Variants in PAH observed in about 807,000 individuals in gnomAD.
The protein encoded by PAH is phenylalanine hydroxylase.
A neutral mutation model predicts 62.0 loss-of-function variants in PAH; 64 were observed. The observed-to-expected ratio is 1.03, with a 90% CI of 0.84 to 1.27. PAH has a LOEUF of 1.27. Among genes scored for constraint, PAH ranks in the 50% most tolerant of loss-of-function variants. PAH has a pLI of 0.00. For missense variants in PAH, 579 were observed against 542.8 expected (o/e 1.07, Z -0.66); for synonymous variants, 195 against 196.2 (o/e 0.99, Z 0.05).
intron 1 of PAH, chr12:102,950,355 C>T (rs35880244): frequency 0.51 from 77,812 of 152,184 alleles, 20,641 homozygotes; most frequent in African/African-American, 0.65. Flanking sequence ...TGGCAGATGC[C>T]GCGCTCAGGC....
intron 3 of PAH, among the ~76,000 whole-genome samples, chr12:102,889,466 T>C (rs1405541866): frequency 6.6e-6 from 1 of 151,012 alleles, no homozygotes; most frequent in African/African-American, 2.5e-5. Context: ...AGATGATTGA[T>C]GGACAGATAG....
chr12:102,930,106 C>CTTT (rs1878807196), intron 1 of PAH, among the ~76,000 whole-genome samples: 1 of 152,070 alleles, frequency 6.6e-6, no homozygotes, highest in Admixed American at 6.5e-5. Flanking sequence ...GATTGCTAAC[C>CTTT]CCATTTTAAA....
intron 11 of PAH, 60 bp from the exon 12 acceptor site, chr12:102,840,575 A>T: frequency 8.7e-7 from 1 of 1,154,942 alleles, no homozygotes; most frequent in Non-Finnish European, 1.3e-6. Flanking sequence ...TAGTCTTAAG[A>T]GAGTTCTCAG....
chr12:102,952,773 T>G (rs1339678911), upstream of PAH, among the ~76,000 whole-genome samples: 1 of 152,248 alleles, frequency 6.6e-6, no homozygotes, highest in Admixed American at 6.5e-5. Flanking sequence ...TCAAACTTTT[T>G]TCTTTTTAAA....
At chr12:102,910,114 A>G (rs907125103) in intron 2 of PAH, among the ~76,000 whole-genome samples, 14 of 152,212 alleles carry the variant, frequency 9.2e-5, no homozygotes, top group Non-Finnish European at 1.5e-5. Context: ...TTGAGGATAT[A>G]AACATGACTG....
upstream of PAH, chr12:102,917,606 ACAGT>A (rs147576673): frequency 0.031 from 6,898 of 224,574 alleles, 319 homozygotes; most frequent in African/African-American, 0.11. Context: ...CCCAGCTGAA[ACAGT>A]CAGGATTCTC....
chr12:102,870,095 A>G (rs1876231750), intron 4 of PAH, among the ~76,000 whole-genome samples: 1 of 152,156 alleles, frequency 6.6e-6, no homozygotes, highest in African/African-American at 2.4e-5. Context: ...ACAGGATGCA[A>G]GTCATGACAT....
At chr12:102,902,730 G>A (rs951915714) in intron 2 of PAH, among the ~76,000 whole-genome samples, 2 of 152,192 alleles carry the variant, frequency 1.3e-5, no homozygotes, top group Non-Finnish European at 2.9e-5. Flanking sequence ...CTCTAGTCTG[G>A]AGGAGGAGAT....
intron 2 of PAH, among the ~76,000 whole-genome samples, chr12:102,906,345 T>C (rs1877977443): frequency 6.6e-6 from 1 of 152,172 alleles, no homozygotes; most frequent in Non-Finnish European, 1.5e-5. Flanking sequence ...ACGACCAGAT[T>C]CCACTTCTAG....
At chr12:102,916,808 G>A (rs965079784) in intron 1 of PAH, among the ~76,000 whole-genome samples, 1 of 152,150 alleles carries the variant, frequency 6.6e-6, no homozygotes, top group African/African-American at 2.4e-5. Context: ...GCTAATTGGT[G>A]GCAGTTCTGG....
intron 3 of PAH, among the ~76,000 whole-genome samples, chr12:102,889,818 T>G (rs896683713): frequency 1.3e-5 from 2 of 152,224 alleles, no homozygotes; most frequent in Non-Finnish European, 2.9e-5. Context: ...CGTAGGAATT[T>G]TCTAGCCCCC....
rs114615640 is a variant in PAH at position 102,879,642 on chromosome 12, C to T, written c.353-2092G>A. Among the ~76,000 whole-genome samples the T allele has an allele frequency of 4.0e-3, 613 of 151,458 alleles. 5 individuals are homozygous for T. Among genetic ancestry groups the T allele is most frequent in the African/African-American group, 0.014 (568 of 41,218 alleles). ...ACTATTAATGTTCCCATTTTAAAGA[C>T]GAGGACACTGAGGTACAGAGAGGTT... On this transcript the variant is annotated intron_variant, in intron 3 of 12. Transcript: ENST00000553106.
intron 3 of PAH, among the ~76,000 whole-genome samples, chr12:102,884,537 T>C (rs1483392143): frequency 1.3e-5 from 2 of 152,256 alleles, no homozygotes; most frequent in East Asian, 3.9e-4. Flanking sequence ...AATTCCTGCG[T>C]CTCTGGCTTT....
chr12:102,883,532 A>G (rs1430083718), intron 3 of PAH, among the ~76,000 whole-genome samples: 12 of 152,218 alleles, frequency 7.9e-5, no homozygotes, highest in East Asian at 1.9e-4. Context: ...AACGAAAACA[A>G]AAAATTTGAA....
chr12:102,857,335 A>C (rs1347379182), intron 5 of PAH, among the ~76,000 whole-genome samples: 1 of 152,242 alleles, frequency 6.6e-6, no homozygotes, highest in Non-Finnish European at 1.5e-5. Flanking sequence ...AAAAGACCAA[A>C]TCTACATCTG....
chr12:102,842,523 G>A (rs1476176458), intron 11 of PAH, among the ~76,000 whole-genome samples: 1 of 152,114 alleles, frequency 6.6e-6, no homozygotes, highest in Admixed American at 6.5e-5. Flanking sequence ...AATGTTAGCT[G>A]GACCTGTCTT....
intron 3 of PAH, among the ~76,000 whole-genome samples, chr12:102,884,395 C>T (rs184095400): frequency 1.5e-4 from 23 of 152,250 alleles, no homozygotes; most frequent in African/African-American, 5.3e-4. Flanking sequence ...AACTCAGTGC[C>T]GAGCCTTGAC....
Position 102,839,073 on chromosome 12 carries a change from A to G in PAH, c.*102T>C. Reference sequence around the variant, plus strand: ...ATCTTGTAAAGGATTTAAGGCTGTTATTTCAAATTAAGGTTTGCTTTTCGG... The same window carrying G: ...ATCTTGTAAAGGATTTAAGGCTGTTGTTTCAAATTAAGGTTTGCTTTTCGG... On this transcript the variant is annotated 3_prime_UTR_variant, in exon 13 of 13. Transcript: ENST00000553106. 1.0e-6 allele frequency: 1 copy of G among 994,650 alleles called. No homozygotes were observed. Among genetic ancestry groups the G allele is most frequent in the Middle Eastern group, 2.1e-4 (1 of 4,862 alleles). The allele number at this position is 994,650 out of a possible 1,614,324, so 61.6% of individuals were successfully genotyped here. A position where few individuals can be genotyped will look rare whatever the true frequency, so the allele number is the denominator to read the frequency against.
At chr12:102,895,865 A>AT (rs1555208116) in intron 2 of PAH, among the ~76,000 whole-genome samples, 388 of 129,446 alleles carry the variant, frequency 3.0e-3, no homozygotes, top group African/African-American at 8.4e-3. Flanking sequence ...AAAAAAAAAA[A>AT]AAAAATATAT....
Sources: gnomAD v4.1 joint callset for allele counts (sites outside exome capture counted in the v4.1 genomes callset) on GRCh38, gnomAD v4.1.1 for gene constraint, MANE v1.5 for transcripts, NCBI Gene and HGNC (gene_info 2026-07-23, HGNC 2026-07-21) for gene names.